CDH13: variants seen among roughly 807,000 people sequenced by gnomAD.
CDH13 encodes cadherin-13.
A neutral mutation model predicts 63.8 loss-of-function variants in CDH13; 24 were observed. The observed-to-expected ratio is 0.38, with a 90% CI of 0.27 to 0.53. CDH13 has a LOEUF of 0.53. CDH13 is among the 20% of genes least tolerant of loss of function. CDH13 has a pLI of 0.85. For missense variants in CDH13, 1,049 were observed against 903.1 expected, an observed-to-expected ratio of 1.16 and a Z score of -2.07; for synonymous variants, 503 against 355.3, an observed-to-expected ratio of 1.42 and a Z score of -4.67.
chr16:83,792,533 T>C (rs1312468197), intron 13 of CDH13, among the ~76,000 whole-genome samples: 1 of 152,200 alleles, frequency 6.6e-6, no homozygotes, highest in African/African-American at 2.4e-5. Context: ...TCTAGAGACA[T>C]TTTGATTATT....
At chr16:83,081,707 A>G (rs72796261) in intron 3 of CDH13, among the ~76,000 whole-genome samples, 7,431 of 150,722 alleles carry the variant, frequency 0.049, 181 homozygotes, top group South Asian at 0.087. Context: ...GAGAGAGAGA[A>G]AGAGAGAGAG....
At chr16:83,051,036 A>C (rs1314705338) in intron 3 of CDH13, among the ~76,000 whole-genome samples, 4 of 152,182 alleles carry the variant, frequency 2.6e-5, no homozygotes, top group African/African-American at 9.7e-5. Flanking sequence ...CAGCCAAGAC[A>C]GGGCCACTTT....
chr16:83,779,788 G>A lies in CDH13; in HGVS notation c.1682-180G>A, dbSNP rs58658289. Among the ~76,000 whole-genome samples the A allele has an allele frequency of 0.12, 18,695 of 152,222 alleles. 1,593 individuals are homozygous for A. Among genetic ancestry groups the A allele is most frequent in the East Asian group, 0.38 (1,953 of 5,178 alleles). ...TGGTAGGATTGCTTGAGCCCAGGAG[G>A]TTGTGGCTGCAGTGAGCCATGATCG... On this transcript the variant is annotated intron_variant, in intron 11 of 13. Coordinates refer to ENST00000567109, the MANE Select transcript of CDH13 (RefSeq NM_001257.5).
intron 1 of CDH13, among the ~76,000 whole-genome samples, chr16:82,817,841 A>G (rs1252038923): frequency 6.6e-6 from 1 of 152,226 alleles, no homozygotes; most frequent in Non-Finnish European, 1.5e-5. Context: ...AGTTATATAT[A>G]AAAGCATGCA....
At chr16:83,080,158 AG>A (rs1555578815) in intron 3 of CDH13, among the ~76,000 whole-genome samples, 1 of 152,108 alleles carries the variant, frequency 6.6e-6, no homozygotes, top group Non-Finnish European at 1.5e-5. Context: ...GTGATGATAA[AG>A]TGTTCTTTCT....
intron 1 of CDH13, among the ~76,000 whole-genome samples, chr16:82,773,068 A>C (rs2035335010): frequency 6.6e-6 from 1 of 152,200 alleles, no homozygotes. Context: ...AATCTCATCG[A>C]GGGATGGAAG....
At chr16:82,701,695 C>T (rs1390753705) in intron 1 of CDH13, among the ~76,000 whole-genome samples, 1 of 152,156 alleles carries the variant, frequency 6.6e-6, no homozygotes, top group Non-Finnish European at 1.5e-5. Context: ...CACAGCCCAT[C>T]CTCAGCATTT....
intron 7 of CDH13, among the ~76,000 whole-genome samples, chr16:83,512,296 G>C (rs1045234209): frequency 6.7e-6 from 1 of 149,398 alleles, no homozygotes; most frequent in African/African-American, 2.5e-5. Context: ...ACTCTAGCCT[G>C]GCGGACAGAG....
At chr16:83,133,720 A>T (rs1422489613) in intron 4 of CDH13, among the ~76,000 whole-genome samples, 1 of 152,152 alleles carries the variant, frequency 6.6e-6, no homozygotes, top group Non-Finnish European at 1.5e-5. Context: ...GCTGGTCTCA[A>T]ACTCCTGGCC....
intron 6 of CDH13, among the ~76,000 whole-genome samples, chr16:83,474,656 A>T (rs1314336826): frequency 2.1e-4 from 32 of 152,222 alleles, no homozygotes; most frequent in Non-Finnish European, 1.5e-5. Flanking sequence ...GAATTCAGCA[A>T]ATTAAAGCAG....
At chr16:83,488,718 A>G in intron 7 of CDH13, among the ~76,000 whole-genome samples, 1 of 151,940 alleles carries the variant, frequency 6.6e-6, no homozygotes, top group East Asian at 1.9e-4. Context: ...TCCACTTCCC[A>G]GGTTGAAGCA....
intron 2 of CDH13, among the ~76,000 whole-genome samples, chr16:82,859,953 A>G (rs997622450): frequency 6.6e-6 from 1 of 152,204 alleles, no homozygotes; most frequent in African/African-American, 2.4e-5. Flanking sequence ...AGTGAATTCC[A>G]ATATGTGATT....
intron 2 of CDH13, among the ~76,000 whole-genome samples, chr16:82,902,709 T>C (rs1036080675): frequency 6.6e-6 from 1 of 152,260 alleles, no homozygotes; most frequent in African/African-American, 2.4e-5. Context: ...TCATTCATTT[T>C]TGTCTCTTCT....
intron 10 of CDH13, among the ~76,000 whole-genome samples, chr16:83,730,806 A>C (rs1310638537): frequency 3.3e-5 from 5 of 151,772 alleles, no homozygotes. Flanking sequence ...CAACCCTTAC[A>C]CCCCTTCCAT....
chr16:83,744,196 T>C (rs1912348387), intron 10 of CDH13, among the ~76,000 whole-genome samples: 1 of 152,144 alleles, frequency 6.6e-6, no homozygotes, highest in South Asian at 2.1e-4. Flanking sequence ...GCTTAGAGTT[T>C]AGTGGAGATG....
At chr16:83,084,082 T>A (rs919691039) in intron 3 of CDH13, among the ~76,000 whole-genome samples, 1 of 152,228 alleles carries the variant, frequency 6.6e-6, no homozygotes. Context: ...AAAATCCTAA[T>A]GTGGCAAAAA....
chr16:82,885,631 T>G (rs970296166), intron 2 of CDH13, among the ~76,000 whole-genome samples: 4 of 152,158 alleles, frequency 2.6e-5, no homozygotes, highest in Non-Finnish European at 5.9e-5. Context: ...ATCTGTATAT[T>G]CTTTAATCTA....
chr16:83,301,199 T>G (rs909819367), intron 5 of CDH13, among the ~76,000 whole-genome samples: 14 of 151,580 alleles, frequency 9.2e-5, no homozygotes, highest in African/African-American at 3.2e-4. Flanking sequence ...GCCCGGCTAA[T>G]TTTTTGTATT....
At chr16:83,251,658 C>A (rs1446988889) in intron 5 of CDH13, among the ~76,000 whole-genome samples, 2 of 152,220 alleles carry the variant, frequency 1.3e-5, no homozygotes, top group Non-Finnish European at 2.9e-5. Flanking sequence ...TGGTCTGTGG[C>A]CATTGGCGTA....
Sources: allele counts gnomAD v4.1 joint callset (sites outside exome capture counted in the v4.1 genomes callset), GRCh38; gene constraint gnomAD v4.1.1; transcripts MANE v1.5; gene names NCBI Gene and HGNC (gene_info 2026-07-23, HGNC 2026-07-21).